PRELID2: variants seen among roughly 807,000 people sequenced by gnomAD.
PRELID2 encodes PRELI domain containing 2.
A neutral mutation model predicts 28.4 loss-of-function variants in PRELID2; 25 were observed. The observed-to-expected ratio is 0.88, with a 90% CI of 0.64 to 1.23. The LOEUF (loss-of-function observed/expected upper bound fraction) is 1.23, where lower values mean the gene tolerates loss of function less well. PRELID2 is among the 50% of genes most tolerant of loss of function. The pLI is 0.00. For synonymous variants in PRELID2, 76 were observed against 71.6 expected, an observed-to-expected ratio of 1.06 and a Z score of -0.31; for missense variants, 201 against 214.4, an observed-to-expected ratio of 0.94 and a Z score of 0.39.
the PRELID2 span, among the ~76,000 whole-genome samples, chr5:145,294,509 A>T: frequency 6.6e-6 from 1 of 152,192 alleles, no homozygotes; most frequent in African/African-American, 2.4e-5. Flanking sequence ...TTCCATTGCT[A>T]ACCCTGTATG....
At chr5:145,526,071 C>G (rs1475344932) in intron 1 of PRELID2, among the ~76,000 whole-genome samples, 3 of 152,148 alleles carry the variant, frequency 2.0e-5, no homozygotes, top group Non-Finnish European at 4.4e-5. Flanking sequence ...GCAGGGAAGC[C>G]CAGAGCACCA....
chr5:145,764,724 G>A (rs1292510357), intron 6 of PRELID2, among the ~76,000 whole-genome samples: 1 of 152,156 alleles, frequency 6.6e-6, no homozygotes, highest in Non-Finnish European at 1.5e-5. Context: ...TTGTAACCCA[G>A]CATGTAATAC....
At chr5:145,313,717 T>C in the PRELID2 span, among the ~76,000 whole-genome samples, 1 of 152,144 alleles carries the variant, frequency 6.6e-6, no homozygotes, top group Non-Finnish European at 1.5e-5. Flanking sequence ...CTGAGGAATG[T>C]TTCTCTTCTT....
chr5:145,660,036 G>A (rs756511465), intron 1 of PRELID2, among the ~76,000 whole-genome samples: 6 of 152,128 alleles, frequency 3.9e-5, no homozygotes, highest in Non-Finnish European at 7.3e-5. Flanking sequence ...AAGGGATTGA[G>A]CACTTTATCA....
At chr5:145,407,577 C>A in the PRELID2 span, among the ~76,000 whole-genome samples, 2 of 152,134 alleles carry the variant, frequency 1.3e-5, no homozygotes, top group African/African-American at 4.8e-5. Context: ...TATGGCTCCA[C>A]CCATTGCCTA....
chr5:145,550,285 G>A (rs1185151263), intron 1 of PRELID2, among the ~76,000 whole-genome samples: 1 of 152,182 alleles, frequency 6.6e-6, no homozygotes, highest in Non-Finnish European at 1.5e-5. Context: ...GAGAGCCTTT[G>A]TGGCCAGAAC....
chr5:145,431,021 T>G, the PRELID2 span, among the ~76,000 whole-genome samples: 2,773 of 147,010 alleles, frequency 0.019, 133 homozygotes, highest in African/African-American at 0.067. Context: ...TTTTTTTTTT[T>G]TTTTTTTTTT....
At chr5:145,388,929 T>A in the PRELID2 span, among the ~76,000 whole-genome samples, 3 of 152,324 alleles carry the variant, frequency 2.0e-5, no homozygotes, top group Non-Finnish European at 2.9e-5. Flanking sequence ...TTATAACATC[T>A]GCATGTACTT....
downstream of PRELID2, among the ~76,000 whole-genome samples, chr5:145,752,705 C>T (rs1757156352): frequency 6.6e-6 from 1 of 152,182 alleles, no homozygotes; most frequent in African/African-American, 2.4e-5. Context: ...CTCCTCACCC[C>T]ACATCCTGTC....
In PRELID2 at chr5:145,735,076, C is replaced by T. The variant is rs1033745096; in HGVS notation, n.70+29855G>A. The stretch of plus-strand genomic sequence containing the variant: ...CCTGGCCAACATGATGAAACCCCAT[C>T]TCTACTAAAAATACAAAAATTAGCC... On this transcript the variant is annotated intron_variant and non_coding_transcript_variant, in intron 1 of 2. Coordinates refer to the PRELID2 transcript ENST00000510259. 1.4e-4 allele frequency among the ~76,000 whole-genome samples: 14 copies of T among 101,508 alleles called. No individual in the cohort carries two copies. The Admixed American group carries it at 1.5e-3, about 11-fold the overall frequency. The allele number at this position is 101,508 out of a possible 152,430, so 66.6% of individuals were successfully genotyped here.
At chr5:145,550,823 TA>T (rs1752827020) in intron 1 of PRELID2, among the ~76,000 whole-genome samples, 1 of 152,132 alleles carries the variant, frequency 6.6e-6, no homozygotes, top group Admixed American at 6.5e-5. Flanking sequence ...ACAAAAGAAA[TA>T]AAAAGTTTAC....
At chr5:145,325,965 G>A in the PRELID2 span, among the ~76,000 whole-genome samples, 4 of 152,098 alleles carry the variant, frequency 2.6e-5, no homozygotes, top group Admixed American at 6.6e-5. Flanking sequence ...CCAAAAATAC[G>A]TGAAAATATA....
intron 1 of PRELID2, among the ~76,000 whole-genome samples, chr5:145,616,600 A>G (rs1009126277): frequency 4.6e-5 from 7 of 152,186 alleles, no homozygotes; most frequent in South Asian, 4.1e-4. Flanking sequence ...GCAAGTTTTT[A>G]TTAGTGATTT....
chr5:145,294,214 C>A, the PRELID2 span, among the ~76,000 whole-genome samples: 1 of 151,978 alleles, frequency 6.6e-6, no homozygotes, highest in South Asian at 2.1e-4. Flanking sequence ...AAGCAATGTG[C>A]CTCCATAAAT....
intron 1 of PRELID2, among the ~76,000 whole-genome samples, chr5:145,614,608 G>A (rs1465432491): frequency 6.6e-6 from 1 of 152,106 alleles, no homozygotes; most frequent in Non-Finnish European, 1.5e-5. Flanking sequence ...AAGATGTTGA[G>A]TTCTTGATTT....
downstream of PRELID2, among the ~76,000 whole-genome samples, chr5:145,470,376 C>T (rs1226774829): frequency 6.6e-6 from 1 of 152,126 alleles, no homozygotes; most frequent in African/African-American, 2.4e-5. Flanking sequence ...CTACATTGCA[C>T]CCATCGACAA....
intron 1 of PRELID2, among the ~76,000 whole-genome samples, chr5:145,685,256 C>T (rs1311177305): frequency 6.6e-6 from 1 of 152,188 alleles, no homozygotes; most frequent in Non-Finnish European, 1.5e-5. Context: ...GCCTCAAAGG[C>T]TTCCAAAGCT....
At chr5:145,367,884 C>A in the PRELID2 span, among the ~76,000 whole-genome samples, 1 of 151,842 alleles carries the variant, frequency 6.6e-6, no homozygotes, top group Non-Finnish European at 1.5e-5. Flanking sequence ...ATGAATAAAG[C>A]TACTATAAAC....
chr5:145,388,585 T>C, the PRELID2 span, among the ~76,000 whole-genome samples: 2 of 152,210 alleles, frequency 1.3e-5, no homozygotes, highest in African/African-American at 2.4e-5. Context: ...CCATACACAA[T>C]TGGCTCCTTC....
Sources: allele counts gnomAD v4.1 joint callset (sites outside exome capture counted in the v4.1 genomes callset), GRCh38; gene constraint gnomAD v4.1.1; transcripts MANE v1.5; gene names NCBI Gene and HGNC (gene_info 2026-07-23, HGNC 2026-07-21).